Variants in ARHGAP28 observed in about 807,000 individuals in gnomAD.
ARHGAP28 encodes the protein Rho GTPase activating protein 28, also known as rho GTPase-activating protein 28.
Under a neutral mutation model 90.7 loss-of-function variants are expected in ARHGAP28, and 56 were observed. The observed-to-expected ratio is 0.62, with a 90% CI of 0.50 to 0.77. The LOEUF is 0.77. Ranked by LOEUF, ARHGAP28 falls within the 30% of genes least tolerant of loss-of-function variation. The pLI, the probability that ARHGAP28 is intolerant of heterozygous loss-of-function variation, is 0.00. For missense variants in ARHGAP28, 869 were observed against 900.9 expected (o/e 0.96, Z 0.45); for synonymous variants, 308 against 323.3 (o/e 0.95, Z 0.51).
chr18:6,775,268 C>T (rs148051850), intron 1 of ARHGAP28, among the ~76,000 whole-genome samples: 2 of 152,274 alleles, frequency 1.3e-5, no homozygotes, highest in Non-Finnish European at 2.9e-5. Context: ...AATTAGATTG[C>T]AATCATCTGC....
At chr18:6,796,358 C>T (rs912687668) in intron 1 of ARHGAP28, among the ~76,000 whole-genome samples, 4 of 152,138 alleles carry the variant, frequency 2.6e-5, no homozygotes, top group African/African-American at 9.7e-5. Context: ...CAGCTTCCCT[C>T]ACCTGCCTCC....
At chr18:6,778,007 C>A (rs2056298365) in intron 1 of ARHGAP28, among the ~76,000 whole-genome samples, 1 of 152,128 alleles carries the variant, frequency 6.6e-6, no homozygotes, top group African/African-American at 2.4e-5. Context: ...TACCAGCCAT[C>A]CTTTAGGGTG....
chr18:6,892,905 C>T (rs768213329), intron 14 of ARHGAP28, among the ~76,000 whole-genome samples: 1 of 152,256 alleles, frequency 6.6e-6, no homozygotes, highest in Non-Finnish European at 1.5e-5. Context: ...TGAGTCCTCA[C>T]TTCCTGCTTG....
chr18:6,789,061 A>G (rs1467045734), intron 1 of ARHGAP28: 1 of 152,228 alleles, frequency 6.6e-6, no homozygotes, highest in Non-Finnish European at 1.5e-5. Context: ...CATTTTTGTC[A>G]AAGAAATCAA....
chr18:6,771,096 G>A (rs950428627), intron 1 of ARHGAP28, among the ~76,000 whole-genome samples: 2 of 152,066 alleles, frequency 1.3e-5, no homozygotes, highest in African/African-American at 4.8e-5. Context: ...GAGTGCAGTG[G>A]TATGATCATG....
intron 2 of ARHGAP28, among the ~76,000 whole-genome samples, chr18:6,836,616 T>G (rs1334055727): frequency 6.6e-6 from 1 of 151,420 alleles, no homozygotes; most frequent in African/African-American, 2.4e-5. Context: ...TTGGGAGGAG[T>G]TGGACACCTG....
At chr18:6,861,526 C>G (rs1376844938) in intron 5 of ARHGAP28, among the ~76,000 whole-genome samples, 1 of 152,102 alleles carries the variant, frequency 6.6e-6, no homozygotes, top group Non-Finnish European at 1.5e-5. Flanking sequence ...ATGGTCAGAC[C>G]CCTTGTCGGC....
At chr18:6,855,626 T>G (rs541572324) in intron 4 of ARHGAP28, among the ~76,000 whole-genome samples, 11 of 152,338 alleles carry the variant, frequency 7.2e-5, no homozygotes, top group African/African-American at 2.2e-4. Context: ...TAAACAGGGC[T>G]GAAACACGCT....
intron 1 of ARHGAP28, among the ~76,000 whole-genome samples, chr18:6,800,905 T>A (rs2056477046): frequency 1.3e-5 from 2 of 152,230 alleles, no homozygotes. Flanking sequence ...GAAAGTTCTT[T>A]ATGTATTCTG....
At chr18:6,765,111 G>C (rs1374680953) in intron 1 of ARHGAP28, among the ~76,000 whole-genome samples, 1 of 152,150 alleles carries the variant, frequency 6.6e-6, no homozygotes, top group Non-Finnish European at 1.5e-5. Context: ...TTGGTCCATA[G>C]GTTTTTGTTC....
chr18:6,745,504 A>G (rs1202495347), intron 1 of ARHGAP28, among the ~76,000 whole-genome samples: 2 of 152,200 alleles, frequency 1.3e-5, no homozygotes, highest in Non-Finnish European at 2.9e-5. Flanking sequence ...ATCGAGGTAT[A>G]CTTCCTCTAC....
At chr18:6,870,993 G>A (rs2057083163) in intron 7 of ARHGAP28, among the ~76,000 whole-genome samples, 3 of 152,078 alleles carry the variant, frequency 2.0e-5, no homozygotes, top group Non-Finnish European at 2.9e-5. Context: ...GTAGAGATGG[G>A]GTTTCACCAT....
intron 1 of ARHGAP28, among the ~76,000 whole-genome samples, chr18:6,763,712 T>A (rs1567939528): frequency 6.6e-6 from 1 of 152,138 alleles, no homozygotes; most frequent in Non-Finnish European, 1.5e-5. Flanking sequence ...TGCTGGGTGC[T>A]CCCAGCTCCA....
intron 16 of ARHGAP28, among the ~76,000 whole-genome samples, chr18:6,902,045 C>T: frequency 6.6e-6 from 1 of 152,136 alleles, no homozygotes; most frequent in East Asian, 1.9e-4. Flanking sequence ...ATGATTTAAT[C>T]TCACAATCTT....
At chr18:6,904,653 C>A (rs1428901106) in intron 16 of ARHGAP28, among the ~76,000 whole-genome samples, 1 of 151,936 alleles carries the variant, frequency 6.6e-6, no homozygotes, top group African/African-American at 2.4e-5. Context: ...AAAGTTGGTT[C>A]TTTTAAAAAA....
intron 17 of ARHGAP28, among the ~76,000 whole-genome samples, chr18:6,911,142 G>A (rs942249152): frequency 1.3e-4 from 20 of 152,108 alleles, no homozygotes; most frequent in Non-Finnish European, 2.6e-4. Flanking sequence ...CCAGCTCTTG[G>A]TAGTTTTGTT....
intron 14 of ARHGAP28, among the ~76,000 whole-genome samples, chr18:6,892,909 C>T (rs1307423783): frequency 2.0e-5 from 3 of 152,248 alleles, no homozygotes; most frequent in Non-Finnish European, 4.4e-5. Context: ...TCCTCACTTC[C>T]TGCTTGCACA....
At chr18:6,902,043 A>G (rs2057341127) in intron 16 of ARHGAP28, among the ~76,000 whole-genome samples, 1 of 152,146 alleles carries the variant, frequency 6.6e-6, no homozygotes, top group Admixed American at 6.6e-5. Flanking sequence ...GGATGATTTA[A>G]TCTCACAATC....
intron 9 of ARHGAP28, 37 bp from the exon 10 acceptor site, chr18:6,876,094 G>A: frequency 7.0e-7 from 1 of 1,438,506 alleles, no homozygotes; most frequent in Non-Finnish European, 9.8e-7. Context: ...TGATCATATA[G>A]AGGTACTTAT....
Sources: gnomAD v4.1 joint callset for allele counts (sites outside exome capture counted in the v4.1 genomes callset) on GRCh38, gnomAD v4.1.1 for gene constraint, MANE v1.5 for transcripts, NCBI Gene and HGNC (gene_info 2026-07-23, HGNC 2026-07-21) for gene names.